Variants in RNF122 observed in about 807,000 individuals in gnomAD.
The protein encoded by RNF122 is ring finger protein 122.
RNF122 carries 17 observed loss-of-function variants against 24.2 expected under a neutral mutation model. The observed-to-expected ratio is 0.70, with a 90% CI of 0.48 to 1.06. The LOEUF is 1.06. Ranked by LOEUF, RNF122 falls within the 50% of genes least tolerant of loss-of-function variation. The probability of loss-of-function intolerance (pLI) is 0.00; values close to 1 mark genes in which losing one functional copy is unlikely to be tolerated. For missense variants in RNF122, 168 were observed against 198.1 expected, an observed-to-expected ratio of 0.85 and a Z score of 0.91; for synonymous variants, 65 against 71.8, an observed-to-expected ratio of 0.91 and a Z score of 0.48.
At chr8:33,551,450 A>T in intron 2 of RNF122, 61 bp from the exon 3 acceptor site, 1 of 1,575,804 alleles carries the variant, frequency 6.3e-7, no homozygotes, top group Non-Finnish European at 8.7e-7. Context: ...AAAGCAGGAG[A>T]GGCTGGCTGG....
intron 4 of RNF122, among the ~76,000 whole-genome samples, chr8:33,549,728 A>G (rs1282805683): frequency 6.6e-6 from 1 of 152,352 alleles, no homozygotes; most frequent in African/African-American, 2.4e-5. Flanking sequence ...TACACTCACC[A>G]CATTTCAAGT....
intron 1 of RNF122, among the ~76,000 whole-genome samples, chr8:33,560,469 C>A (rs908061128): frequency 3.3e-5 from 5 of 151,970 alleles, no homozygotes; most frequent in Non-Finnish European, 5.9e-5. Context: ...CAACTCCTGG[C>A]CTCAATGAGA....
At chr8:33,552,154 A>C (rs771969441) in intron 2 of RNF122, among the ~76,000 whole-genome samples, 1 of 152,182 alleles carries the variant, frequency 6.6e-6, no homozygotes, top group Non-Finnish European at 1.5e-5. Flanking sequence ...TCATGCCTGT[A>C]ATCCCAGCAC....
At chr8:33,554,440 C>T (rs186762204) in intron 2 of RNF122, among the ~76,000 whole-genome samples, 2 of 152,274 alleles carry the variant, frequency 1.3e-5, no homozygotes, top group African/African-American at 2.4e-5. Flanking sequence ...CTGGCTGGAT[C>T]CTTTAGTGGT....
chr8:33,558,724 T>C lies in RNF122; in HGVS notation c.73A>G (p.Met25Val). Residue 25 changes from methionine to valine, a missense_variant, in exon 2 of 6, where the codon ATG becomes GTG. Physicochemically the swap from Met to Val is conservative, Grantham distance 21. Transcript: ENST00000256257. ...GLVSTNKSCS[M>V]PPISFQDLPL... Reference sequence around the variant, plus strand: ...AGGTCCTGGAAACTGATGGGTGGCATCGAGCAGGACTTGTTGGTGCTAACC... The same window carrying C: ...AGGTCCTGGAAACTGATGGGTGGCACCGAGCAGGACTTGTTGGTGCTAACC... 6.2e-7 allele frequency: 1 copy of C among 1,611,180 alleles called. No individual in the cohort carries two copies. The highest frequency in any genetic ancestry group is 8.5e-7 in the Non-Finnish European group (1 of 1,178,050).
At chr8:33,551,010 G>A (rs538912724) in intron 4 of RNF122, 34 bp downstream of exon 4, 1 of 1,610,204 alleles carries the variant, frequency 6.2e-7, no homozygotes, top group South Asian at 1.1e-5. Flanking sequence ...CTCACCTGCT[G>A]GGGCCCTCCT....
intron 2 of RNF122, among the ~76,000 whole-genome samples, chr8:33,552,651 C>T (rs914136465): frequency 6.6e-6 from 1 of 152,154 alleles, no homozygotes; most frequent in African/African-American, 2.4e-5. Flanking sequence ...CTCTGAATGG[C>T]TTGCTGTGCA....
chr8:33,554,817 C>T (rs1041748936), intron 2 of RNF122, among the ~76,000 whole-genome samples: 9 of 152,318 alleles, frequency 5.9e-5, no homozygotes, highest in Non-Finnish European at 1.0e-4. Context: ...TGTACTTCCC[C>T]GGCCCCTCCA....
At chr8:33,554,434 C>T (rs1228742989) in intron 2 of RNF122, among the ~76,000 whole-genome samples, 2 of 152,162 alleles carry the variant, frequency 1.3e-5, no homozygotes, top group African/African-American at 4.8e-5. Flanking sequence ...TCTTGTCTGG[C>T]TGGATCCTTT....
At chr8:33,549,556 A>G (rs907183353) in intron 4 of RNF122, 64 bp from the exon 5 acceptor site, 23 of 1,267,194 alleles carry the variant, frequency 1.8e-5, no homozygotes, top group Non-Finnish European at 2.7e-5. Flanking sequence ...TCAACCCCAG[A>G]CAAGAAAACT....
At chr8:33,561,539 C>CT (rs954906007) in intron 1 of RNF122, among the ~76,000 whole-genome samples, 66 of 146,744 alleles carry the variant, frequency 4.5e-4, no homozygotes, top group East Asian at 6.0e-4. Context: ...TCCTAGTTGC[C>CT]TTTTTTTTTT....
rs1181387942 is a variant in RNF122, at chr8:33,566,689, G to A, written c.25+10C>T. ...CCCACGTAGGCTCGGCCCTCGCCCC[G>A]GGGACTCACCGTTACACCACTGGAA... On this transcript the variant is annotated intron_variant, in intron 1 of 5. Coordinates refer to ENST00000256257, the MANE Select transcript of RNF122 (RefSeq NM_024787.3). The A allele has an allele frequency of 1.4e-5, 23 of 1,599,338 alleles. No individual in the cohort carries two copies. Among genetic ancestry groups the A allele is most frequent in the Non-Finnish European group, 2.0e-5 (23 of 1,174,062 alleles).
intron 1 of RNF122, among the ~76,000 whole-genome samples, chr8:33,560,646 C>T (rs1239313736): frequency 6.6e-6 from 1 of 151,852 alleles, no homozygotes; most frequent in Non-Finnish European, 1.5e-5. Context: ...AGTAGAAAGT[C>T]AAATGCTTGA....
In RNF122 at chr8:33,549,400, T is replaced by G; in HGVS notation, c.353+10A>C. ...CCTTCGACGGGCACCCTGGACACAT[T>G]CCCACGTACTTGCGGTGAAAGGCGT... On this transcript the variant is annotated intron_variant, in intron 5 of 5. Transcript: ENST00000256257. 2 of 1,611,110 alleles carry G rather than the reference T, an allele frequency of 1.2e-6. No homozygotes were observed. Among genetic ancestry groups the G allele is most frequent in the Non-Finnish European group, 1.7e-6 (2 of 1,177,220 alleles).
chr8:33,564,614 T>A (rs1195515696), intron 1 of RNF122, among the ~76,000 whole-genome samples: 4 of 151,570 alleles, frequency 2.6e-5, no homozygotes, highest in African/African-American at 9.7e-5. Context: ...GGCTCACGCC[T>A]GTAATCCCAG....
chr8:33,553,284 T>A (rs1269820161), intron 2 of RNF122, among the ~76,000 whole-genome samples: 2 of 152,046 alleles, frequency 1.3e-5, no homozygotes, highest in East Asian at 3.9e-4. Flanking sequence ...AGAGTGGTTT[T>A]TATTCTTAAA....
chr8:33,564,045 GT>G (rs1273992852), intron 1 of RNF122, among the ~76,000 whole-genome samples: 1 of 152,174 alleles, frequency 6.6e-6, no homozygotes, highest in Non-Finnish European at 1.5e-5. Context: ...AGAGGAGATG[GT>G]TCATTTGCTT....
At chr8:33,562,711 G>T (rs1810556843) in intron 1 of RNF122, among the ~76,000 whole-genome samples, 1 of 152,052 alleles carries the variant, frequency 6.6e-6, no homozygotes, top group Non-Finnish European at 1.5e-5. Flanking sequence ...ATCACCTGAG[G>T]TCGGGAGTTC....
chr8:33,549,309 G>C, intron 5 of RNF122, 101 bp downstream of exon 5: 1 of 943,834 alleles, frequency 1.1e-6, no homozygotes, highest in Non-Finnish European at 1.7e-6. Flanking sequence ...GGGGCATCAC[G>C]GATAAGGGGC....
Sources: gnomAD v4.1 joint callset for allele counts (sites outside exome capture counted in the v4.1 genomes callset) on GRCh38, gnomAD v4.1.1 for gene constraint, MANE v1.5 for transcripts, NCBI Gene and HGNC (gene_info 2026-07-23, HGNC 2026-07-21) for gene names.